NRXN1: variants seen among roughly 807,000 people sequenced by gnomAD.
The protein encoded by NRXN1 is neurexin-1.
In NRXN1, 39 loss-of-function variants were observed where a neutral mutation model predicts 150.9. The observed-to-expected ratio is 0.26, with a 90% CI of 0.20 to 0.34. The LOEUF (loss-of-function observed/expected upper bound fraction) is 0.34. Among genes scored for constraint, NRXN1 ranks in the 10% least tolerant of loss-of-function variants. The probability of loss-of-function intolerance (pLI) is 1.00; values close to 1 mark genes in which losing one functional copy is unlikely to be tolerated. For synonymous variants in NRXN1, 924 were observed against 757.0 expected, an observed-to-expected ratio of 1.22 and a Z score of -3.62; for missense variants, 1,815 against 1,949.9, an observed-to-expected ratio of 0.93 and a Z score of 1.30.
chr2:50,053,636 T>C (rs1456971415), intron 20 of NRXN1, 46 bp from the exon 21 acceptor site: 3 of 1,574,758 alleles, frequency 1.9e-6, no homozygotes, highest in Non-Finnish European at 2.6e-6. Flanking sequence ...GATTGTGAAC[T>C]CTATATCTAC....
intron 5 of NRXN1, among the ~76,000 whole-genome samples, chr2:50,744,617 T>A (rs1350258835): frequency 6.6e-6 from 1 of 152,236 alleles, no homozygotes; most frequent in East Asian, 1.9e-4. Flanking sequence ...TTTCCCCATT[T>A]TATAGATGAT....
intron 17 of NRXN1, among the ~76,000 whole-genome samples, chr2:50,272,328 T>A (rs1025811017): frequency 1.6e-4 from 24 of 152,160 alleles, no homozygotes; most frequent in African/African-American, 5.8e-4. Flanking sequence ...AAAGGTGTTT[T>A]GGTAAGGGTG....
intron 19 of NRXN1, among the ~76,000 whole-genome samples, chr2:50,066,027 CT>C (rs1311129077): frequency 1.3e-5 from 2 of 152,168 alleles, no homozygotes; most frequent in Non-Finnish European, 2.9e-5. Flanking sequence ...TTCATGCCAC[CT>C]GTCAACAACT....
At chr2:50,647,955 A>C (rs1425727385) in intron 5 of NRXN1, among the ~76,000 whole-genome samples, 2 of 151,988 alleles carry the variant, frequency 1.3e-5, no homozygotes, top group Non-Finnish European at 2.9e-5. Context: ...CACACATACA[A>C]ATAAAGGAAA....
At chr2:50,068,565 A>G (rs1329402982) in intron 19 of NRXN1, among the ~76,000 whole-genome samples, 1 of 152,210 alleles carries the variant, frequency 6.6e-6, no homozygotes, top group East Asian at 1.9e-4. Flanking sequence ...GTAGCATAAC[A>G]TCTTTTAACC....
At chr2:50,416,735 G>A (rs145325763) in intron 17 of NRXN1, among the ~76,000 whole-genome samples, 3,360 of 151,978 alleles carry the variant, frequency 0.022, 116 homozygotes, top group African/African-American at 0.076. Flanking sequence ...AGAGGGAAAA[G>A]CCCCTTATAA....
intron 22 of NRXN1, among the ~76,000 whole-genome samples, chr2:49,935,571 G>C (rs1670888552): frequency 6.6e-6 from 1 of 152,210 alleles, no homozygotes; most frequent in Non-Finnish European, 1.5e-5. Context: ...ACTGTGTTGA[G>C]ATGAGAGCTG....
intron 5 of NRXN1, among the ~76,000 whole-genome samples, chr2:50,828,872 G>A (rs1225075478): frequency 6.6e-6 from 1 of 152,184 alleles, no homozygotes; most frequent in Non-Finnish European, 1.5e-5. Context: ...GGAGGCCAAG[G>A]CAGGCGGCTG....
intron 5 of NRXN1, among the ~76,000 whole-genome samples, chr2:50,627,757 T>A (rs1470663576): frequency 6.6e-6 from 1 of 151,656 alleles, no homozygotes; most frequent in Non-Finnish European, 1.5e-5. Context: ...TTAATTTACA[T>A]TATTAAGAAA....
At chr2:51,027,385 C>T (rs1670675480) in intron 2 of NRXN1, 117 bp downstream of exon 2, 5 of 1,088,258 alleles carry the variant, frequency 4.6e-6, no homozygotes, top group Admixed American at 3.4e-5. Context: ...GTCCTTCCCT[C>T]GAAGCGAACT....
intron 12 of NRXN1, 40 bp downstream of exon 12, chr2:50,528,585 T>C (rs200753407): frequency 3.4e-6 from 4 of 1,170,186 alleles, no homozygotes; most frequent in African/African-American, 3.1e-5. Context: ...TACATCATAA[T>C]GGAGGAATAA....
chr2:50,298,967 T>A (rs75721703), intron 17 of NRXN1, among the ~76,000 whole-genome samples: 12,767 of 152,204 alleles, frequency 0.084, 620 homozygotes, highest in Middle Eastern at 0.14. Context: ...ATGTCCTGTC[T>A]TCCATAGATA....
At chr2:50,435,221 A>G (rs905292710) in intron 17 of NRXN1, among the ~76,000 whole-genome samples, 5 of 152,178 alleles carry the variant, frequency 3.3e-5, no homozygotes, top group African/African-American at 1.2e-4. Flanking sequence ...TCTGCCACTC[A>G]CCATCTGTGT....
intron 17 of NRXN1, among the ~76,000 whole-genome samples, chr2:50,353,326 T>C (rs1411502509): frequency 6.6e-6 from 1 of 152,156 alleles, no homozygotes; most frequent in Non-Finnish European, 1.5e-5. Context: ...ACCAATAATA[T>C]GCCATCTTTT....
intron 5 of NRXN1, among the ~76,000 whole-genome samples, chr2:50,682,506 T>C (rs1052585059): frequency 1.3e-5 from 2 of 152,174 alleles, no homozygotes; most frequent in African/African-American, 4.8e-5. Flanking sequence ...ACTAGGAGCA[T>C]CGTGACTTGG....
chr2:50,631,401 A>G, intron 5 of NRXN1: 1 of 226,148 alleles, frequency 4.4e-6, no homozygotes, highest in Non-Finnish European at 8.7e-6. Context: ...AGACTTAGAC[A>G]TTATTTAGTC....
intron 5 of NRXN1, chr2:50,829,660 T>C: frequency 6.2e-7 from 1 of 1,611,608 alleles, no homozygotes; most frequent in South Asian, 1.1e-5. Context: ...CGGGACGGCA[T>C]CATAACAGGC....
At chr2:50,591,776 G>A (rs531776368) in intron 8 of NRXN1, among the ~76,000 whole-genome samples, 5 of 152,330 alleles carry the variant, frequency 3.3e-5, no homozygotes, top group East Asian at 1.9e-4. Flanking sequence ...TGCCAAAGCC[G>A]AGCAGGGAAA....
chr2:50,698,089 C>T (rs1165284891), intron 5 of NRXN1, among the ~76,000 whole-genome samples: 5 of 152,212 alleles, frequency 3.3e-5, no homozygotes, highest in Admixed American at 3.3e-4. Flanking sequence ...TTAGAATCCT[C>T]CTTCTCTCAT....
Sources: allele counts gnomAD v4.1 joint callset (sites outside exome capture counted in the v4.1 genomes callset), GRCh38; gene constraint gnomAD v4.1.1; transcripts MANE v1.5; gene names NCBI Gene and HGNC (gene_info 2026-07-23, HGNC 2026-07-21).